MACROD2: variants seen among roughly 807,000 people sequenced by gnomAD.
The protein encoded by MACROD2 is ADP-ribose glycohydrolase MACROD2.
In MACROD2, 36 loss-of-function variants were observed where a neutral mutation model predicts 70.4. The observed-to-expected ratio is 0.51, with a 90% CI of 0.39 to 0.68. The LOEUF is 0.68. Ranked by LOEUF, MACROD2 falls within the 30% of genes least tolerant of loss-of-function variation. MACROD2 has a pLI of 0.00. For missense variants in MACROD2, 496 were observed against 538.4 expected (o/e 0.92, Z 0.78); for synonymous variants, 172 against 178.8 (o/e 0.96, Z 0.30).
At chr20:15,129,230 T>A (rs982071877) in intron 5 of MACROD2, among the ~76,000 whole-genome samples, 3 of 152,072 alleles carry the variant, frequency 2.0e-5, no homozygotes, top group African/African-American at 7.2e-5. Context: ...AAACTGGAAA[T>A]ATATGAAGAT....
chr20:14,158,039 A>G (rs1484251263), intron 3 of MACROD2, among the ~76,000 whole-genome samples: 1 of 152,194 alleles, frequency 6.6e-6, no homozygotes, highest in Non-Finnish European at 1.5e-5. Flanking sequence ...CCTTCCATCA[A>G]CAGTGTATAA....
rs1352775872 is a variant in MACROD2, at chr20:14,120,165, A to G, written c.271+34437A>G. On this transcript the variant is annotated intron_variant, in intron 3 of 17. Transcript: ENST00000684519. ...GAGGCAAAGGTTGCAGTGAGCTGAG[A>G]TCATGCCACTGCACTCTAGCCTGGG... 2.1e-5 allele frequency among the ~76,000 whole-genome samples: 3 copies of G among 141,858 alleles called. No homozygotes were observed. The East Asian group carries it at 6.4e-4, about 30-fold the overall frequency. The allele number at this position is 141,858 out of a possible 152,430, so 93.1% of individuals were successfully genotyped here.
intron 2 of MACROD2, among the ~76,000 whole-genome samples, chr20:14,006,918 T>TATA (rs994829112): frequency 2.5e-4 from 38 of 152,320 alleles, no homozygotes; most frequent in African/African-American, 8.2e-4. Flanking sequence ...AATAATGCTT[T>TATA]ATAGATTATT....
At chr20:14,191,553 A>C (rs2081388152) in intron 3 of MACROD2, among the ~76,000 whole-genome samples, 1 of 152,250 alleles carries the variant, frequency 6.6e-6, no homozygotes, top group South Asian at 2.1e-4. Context: ...CATAAAAACA[A>C]AATATATATT....
At chr20:15,162,424 G>T (rs2145876479) in intron 5 of MACROD2, among the ~76,000 whole-genome samples, 1 of 152,162 alleles carries the variant, frequency 6.6e-6, no homozygotes, top group Non-Finnish European at 1.5e-5. Flanking sequence ...CGTGGTGAAA[G>T]GGTGGTCCAG....
chr20:15,493,897 C>T, intron 7 of MACROD2, among the ~76,000 whole-genome samples: 1 of 152,116 alleles, frequency 6.6e-6, no homozygotes, highest in East Asian at 1.9e-4. Context: ...AAAATGTCCA[C>T]CTAATGAGTT....
chr20:14,035,943 C>T (rs975667302), intron 2 of MACROD2, among the ~76,000 whole-genome samples: 2 of 152,162 alleles, frequency 1.3e-5, no homozygotes, highest in African/African-American at 2.4e-5. Flanking sequence ...GAGATTGAGA[C>T]CATCCTGGCT....
At chr20:15,068,665 CTT>C (rs1334155382) in intron 5 of MACROD2, among the ~76,000 whole-genome samples, 1 of 152,170 alleles carries the variant, frequency 6.6e-6, no homozygotes, top group Non-Finnish European at 1.5e-5. Flanking sequence ...TGGTTGTAAG[CTT>C]CCTGAAGCTT....
chr20:14,461,548 G>A (rs1178618784), intron 3 of MACROD2, among the ~76,000 whole-genome samples: 4 of 151,150 alleles, frequency 2.6e-5, no homozygotes, highest in African/African-American at 4.9e-5. Flanking sequence ...TGTCCACAAC[G>A]TGAAGGTGCA....
chr20:15,973,692 TAAACTC>T (rs1199492822), intron 13 of MACROD2, among the ~76,000 whole-genome samples: 20 of 152,200 alleles, frequency 1.3e-4, no homozygotes, highest in Non-Finnish European at 2.5e-4. Flanking sequence ...CAGATTGACT[TAAACTC>T]AATAAAAAGG....
rs559923714 is a variant in MACROD2 at position 14,422,608 on chromosome 20, A to G, written c.272-70871A>G. Among the ~76,000 whole-genome samples the G allele has an allele frequency of 2.5e-3, 386 of 152,134 alleles. 2 individuals carry two copies. Among genetic ancestry groups the G allele is most frequent in the South Asian group, 0.023 (109 of 4,818 alleles). On this transcript the variant is annotated intron_variant, in intron 3 of 17. Transcript: ENST00000684519. ...TTTTTGTGGTTACTCTCAGGGCTATATAACATTCTAAATTTATGGCAATGT... is the reference window on the plus strand; with the variant it reads ...TTTTTGTGGTTACTCTCAGGGCTATGTAACATTCTAAATTTATGGCAATGT...
chr20:15,045,380 C>A (rs945952787), intron 5 of MACROD2, among the ~76,000 whole-genome samples: 1 of 152,114 alleles, frequency 6.6e-6, no homozygotes, highest in Non-Finnish European at 1.5e-5. Flanking sequence ...TGTTTTTCTC[C>A]CCTTCAGTTC....
At chr20:15,470,348 C>T (rs1341280567) in intron 7 of MACROD2, among the ~76,000 whole-genome samples, 2 of 152,202 alleles carry the variant, frequency 1.3e-5, no homozygotes, top group African/African-American at 4.8e-5. Context: ...TGCGCCCAGC[C>T]CTTTCTGTAC....
intron 4 of MACROD2, among the ~76,000 whole-genome samples, chr20:14,537,758 A>C (rs1292071684): frequency 6.6e-6 from 1 of 152,182 alleles, no homozygotes; most frequent in East Asian, 1.9e-4. Flanking sequence ...AATGACCAAA[A>C]GGAAAAGTTG....
intron 3 of MACROD2, among the ~76,000 whole-genome samples, chr20:14,218,312 G>C (rs536635953): frequency 6.6e-6 from 1 of 152,120 alleles, no homozygotes; most frequent in East Asian, 1.9e-4. Flanking sequence ...AGTTTGTTTT[G>C]TCTGATATAA....
chr20:14,366,593 C>T (rs1463405202), intron 3 of MACROD2, among the ~76,000 whole-genome samples: 3 of 151,740 alleles, frequency 2.0e-5, no homozygotes, highest in Non-Finnish European at 4.4e-5. Flanking sequence ...TTTCAATCTC[C>T]TGACATCATG....
At chr20:15,285,203 A>G (rs2077479875) in intron 6 of MACROD2, among the ~76,000 whole-genome samples, 1 of 152,172 alleles carries the variant, frequency 6.6e-6, no homozygotes. Context: ...TAGATATTTT[A>G]TATTTCTCTA....
chr20:15,034,779 A>G (rs886140961), intron 5 of MACROD2, among the ~76,000 whole-genome samples: 1 of 152,196 alleles, frequency 6.6e-6, no homozygotes, highest in Non-Finnish European at 1.5e-5. Context: ...AATTAGTAAT[A>G]TACTTTGATG....
Position 15,132,764 on chromosome 20 carries a change from G to T in MACROD2, c.419-97176G>T, listed in dbSNP as rs565174671. On this transcript the variant is annotated intron_variant, in intron 5 of 17. Transcript: ENST00000684519. ...AATTGACCTAGAAAATAATATTCAC[G>T]GCAATTTTGAAAAAGAAAAGTAATG... 9.2e-5 allele frequency among the ~76,000 whole-genome samples: 14 copies of T among 151,836 alleles called. No individual in the cohort carries two copies. The South Asian group carries it at 1.9e-3, about 20-fold the overall frequency.
Sources: allele counts gnomAD v4.1 joint callset (sites outside exome capture counted in the v4.1 genomes callset), GRCh38; gene constraint gnomAD v4.1.1; transcripts MANE v1.5; gene names NCBI Gene and HGNC (gene_info 2026-07-23, HGNC 2026-07-21).